GSE1: variants seen among roughly 807,000 people sequenced by gnomAD.
The protein encoded by GSE1 is genetic suppressor element 1.
In GSE1, 32 loss-of-function variants were observed where a neutral mutation model predicts 112.6. That is an observed-to-expected ratio of 0.28 (90% confidence interval 0.21 to 0.38). The LOEUF is 0.38. GSE1 is among the 10% of genes least tolerant of loss of function. The probability of loss-of-function intolerance (pLI) is 1.00; values close to 1 mark genes in which losing one functional copy is unlikely to be tolerated. For synonymous variants in GSE1, 1,115 were observed against 735.6 expected (o/e 1.52, Z -8.35); for missense variants, 2,348 against 1,699.2 (o/e 1.38, Z -6.71).
chr16:85,226,788 TGTGTG>T, intron 1 of GSE1, among the ~76,000 whole-genome samples: 1 of 148,698 alleles, frequency 6.7e-6, no homozygotes, highest in Non-Finnish European at 1.5e-5. Flanking sequence ...TGTGTGTGTG[TGTGTG>T]TGTGTGTGTG....
intron 1 of GSE1, among the ~76,000 whole-genome samples, chr16:85,291,785 G>T (rs757391541): frequency 6.6e-6 from 1 of 152,202 alleles, no homozygotes; most frequent in African/African-American, 2.4e-5. Context: ...AGGCCTCTCC[G>T]TGGGGCCCAT....
intron 2 of GSE1, among the ~76,000 whole-genome samples, chr16:85,515,240 C>T (rs1214906358): frequency 6.6e-6 from 1 of 152,212 alleles, no homozygotes. Context: ...CTCACCTCTG[C>T]CCCCATCCCC....
At chr16:85,610,621 C>G (rs1201849018), upstream of GSE1, among the ~76,000 whole-genome samples, 2 of 152,234 alleles carry the variant, frequency 1.3e-5, no homozygotes, top group African/African-American at 4.8e-5. Flanking sequence ...TCCCCCTTGC[C>G]AGCCCGCCTG....
At chr16:85,335,956 G>A (rs1293179847) in intron 1 of GSE1, among the ~76,000 whole-genome samples, 2 of 152,198 alleles carry the variant, frequency 1.3e-5, no homozygotes, top group Non-Finnish European at 2.9e-5. Context: ...ACTTCCAGCA[G>A]CTGGGGCTGG....
At chr16:85,623,216 T>C (rs992011608) in intron 1 of GSE1, among the ~76,000 whole-genome samples, 6 of 127,770 alleles carry the variant, frequency 4.7e-5, no homozygotes, top group African/African-American at 2.0e-4. Context: ...TGTCCACTCC[T>C]TTTTTTTTTT....
chr16:85,339,430 G>A (rs550025712), intron 1 of GSE1, among the ~76,000 whole-genome samples: 7 of 152,166 alleles, frequency 4.6e-5, no homozygotes, highest in Non-Finnish European at 7.4e-5. Context: ...TGCTTGCTGC[G>A]CCCTTTCTAG....
At chr16:85,353,667 T>C (rs958397150) in intron 1 of GSE1, among the ~76,000 whole-genome samples, 5 of 152,190 alleles carry the variant, frequency 3.3e-5, no homozygotes, top group Non-Finnish European at 7.3e-5. Flanking sequence ...ACCCTGTCTC[T>C]TAATAAAAAC....
intron 11 of GSE1, among the ~76,000 whole-genome samples, chr16:85,664,235 T>C (rs2052656170): frequency 6.6e-6 from 1 of 152,258 alleles, no homozygotes; most frequent in Non-Finnish European, 1.5e-5. Flanking sequence ...GCCCAGATGT[T>C]GACGTTCCTG....
intron 1 of GSE1, among the ~76,000 whole-genome samples, chr16:85,249,431 G>A (rs1027550551): frequency 3.3e-5 from 5 of 152,236 alleles, no homozygotes; most frequent in Admixed American, 6.5e-5. Context: ...CAGCAACCCC[G>A]AGGTGAGGCT....
At chr16:85,351,218 A>G (rs1158898871) in intron 1 of GSE1, among the ~76,000 whole-genome samples, 1 of 152,226 alleles carries the variant, frequency 6.6e-6, no homozygotes, top group Non-Finnish European at 1.5e-5. Flanking sequence ...AACTGGCTGC[A>G]TGAACAGCCA....
chr16:85,485,377 CA>C (rs145149364), intron 2 of GSE1, among the ~76,000 whole-genome samples: 3,781 of 152,320 alleles, frequency 0.025, 141 homozygotes, highest in African/African-American at 0.086. Context: ...ACTGTCACAC[CA>C]GGGGCGGTGG....
intron 2 of GSE1, among the ~76,000 whole-genome samples, chr16:85,421,012 G>A (rs2048830681): frequency 6.6e-6 from 1 of 152,236 alleles, no homozygotes; most frequent in African/African-American, 2.4e-5. Context: ...GGCCTCAGTG[G>A]CCCCCTCTGT....
At chr16:85,612,049 A>T (rs2048019240), upstream of GSE1, among the ~76,000 whole-genome samples, 1 of 151,694 alleles carries the variant, frequency 6.6e-6, no homozygotes, top group African/African-American at 2.4e-5. Flanking sequence ...CAGGGCTCAG[A>T]AGTAGGGACG....
At position 85,254,475 on chromosome 16, in the gene GSE1, AC is replaced by A. The variant is rs201804934; in HGVS notation, c.2283+82675del. On this transcript the variant is annotated intron_variant, in intron 1 of 2. Transcript: ENST00000637419. ...TGGTATTAGGTGACCCTTTAGCATG[AC>A]CCCCCCACTCGGAGAGGTCCCCTGA... is the stretch of plus-strand genomic sequence containing the variant. 3.7e-3 allele frequency among the ~76,000 whole-genome samples: 557 copies of A among 150,576 alleles called. 5 individuals carry two copies. Among genetic ancestry groups the A allele is most frequent in the African/African-American group, 0.013 (539 of 40,886 alleles).
chr16:85,518,378 G>A (rs918955520), intron 2 of GSE1, among the ~76,000 whole-genome samples: 6 of 152,164 alleles, frequency 3.9e-5, no homozygotes, highest in South Asian at 2.1e-4. Context: ...GGCCGGAACC[G>A]TCCTGTGTGC....
intron 2 of GSE1, among the ~76,000 whole-genome samples, chr16:85,478,840 TTTC>T (rs1317702684): frequency 6.4e-3 from 25 of 3,928 alleles, no homozygotes; most frequent in African/African-American, 0.014. Flanking sequence ...GCTCATTTAT[TTTC>T]TTTCTTTCTT....
Position 85,478,045 on chromosome 16 carries a change from G to T in GSE1, c.2464+120402G>T, listed in dbSNP as rs188549400. Reference sequence around the variant, plus strand: ...TCCGCGCTCCTCATTTCTGCACCCTGGCCTCGGACATCCACTCATCCGCTT... The same window carrying T: ...TCCGCGCTCCTCATTTCTGCACCCTTGCCTCGGACATCCACTCATCCGCTT... On this transcript the variant is annotated intron_variant, in intron 2 of 2. Transcript: ENST00000637419. Among the ~76,000 whole-genome samples the T allele has an allele frequency of 7.7e-3, 1,174 of 152,188 alleles. 19 individuals carry two copies. Among genetic ancestry groups the T allele is most frequent in the African/African-American group, 0.027 (1,123 of 41,508 alleles).
chr16:85,227,447 T>G (rs1167266753), intron 1 of GSE1, among the ~76,000 whole-genome samples: 2 of 152,174 alleles, frequency 1.3e-5, no homozygotes, highest in East Asian at 1.9e-4. Flanking sequence ...TTGAATGGGC[T>G]TTTGAGGGAT....
At chr16:85,318,727 G>A (rs2046036726) in intron 1 of GSE1, among the ~76,000 whole-genome samples, 1 of 152,216 alleles carries the variant, frequency 6.6e-6, no homozygotes, top group Non-Finnish European at 1.5e-5. Context: ...AGCTGCTTGG[G>A]CAGACTCCAG....
Sources: gnomAD v4.1 joint callset for allele counts (sites outside exome capture counted in the v4.1 genomes callset) on GRCh38, gnomAD v4.1.1 for gene constraint, MANE v1.5 for transcripts, NCBI Gene and HGNC (gene_info 2026-07-23, HGNC 2026-07-21) for gene names.